The following GYS2 variants were observed in gnomAD, a reference collection of about 807,000 sequenced individuals.
The protein encoded by GYS2 is glycogen synthase 2.
In GYS2, 80 loss-of-function variants were observed where a neutral mutation model predicts 85.6. The ratio of observed to expected loss-of-function variants is 0.93; its 90% CI spans 0.78 to 1.13. The LOEUF (loss-of-function observed/expected upper bound fraction) is 1.13. Ranked by LOEUF, GYS2 falls within the 50% of genes most tolerant of loss-of-function variation. GYS2 has a pLI of 0.00. For missense variants in GYS2, 881 were observed against 854.9 expected (o/e 1.03, Z -0.38); for synonymous variants, 328 against 300.7 (o/e 1.09, Z -0.94).
rs1203459987 is a variant in GYS2, at chr12:21,601,382, A to G, written c.121+3090T>C. On this transcript the variant is annotated intron_variant, in intron 1 of 15. Transcript: ENST00000261195. Reference sequence around the variant, plus strand: ...TCATACCCTGGAGACAAAACTCCTTAAGGCTATTAACTCCCCCTGAGCTTC... The same window carrying G: ...TCATACCCTGGAGACAAAACTCCTTGAGGCTATTAACTCCCCCTGAGCTTC... Among the ~76,000 whole-genome samples the G allele has an allele frequency of 3.9e-5, 6 of 152,190 alleles. No homozygotes were observed. In the South Asian group the frequency reaches 1.2e-3, roughly 32 times the overall value.
At chr12:21,564,840 TAACGAAACTGGCCTGCAGAATATTAA>T (rs1944298908) in intron 5 of GYS2, among the ~76,000 whole-genome samples, 1 of 152,186 alleles carries the variant, frequency 6.6e-6, no homozygotes, top group Admixed American at 6.5e-5. Context: ...ATTTTACAAA[TAACGAAACTGGCCTGCAGAATATTAA>T]GTCATTTGCC....
At chr12:21,595,374 C>T (rs1264879723) in intron 1 of GYS2, among the ~76,000 whole-genome samples, 3 of 152,162 alleles carry the variant, frequency 2.0e-5, no homozygotes, top group Non-Finnish European at 2.9e-5. Flanking sequence ...GGGAGATCCT[C>T]CTCTCCTAAA....
At chr12:21,554,202 G>C (rs555032321) in intron 11 of GYS2, among the ~76,000 whole-genome samples, 1 of 151,742 alleles carries the variant, frequency 6.6e-6, no homozygotes, top group African/African-American at 2.4e-5. Context: ...GAGGAAGGAA[G>C]GAAGTGAGCA....
intron 14 of GYS2, 82 bp from the exon 15 acceptor site, chr12:21,539,420 T>C: frequency 1.3e-6 from 1 of 797,824 alleles, no homozygotes. Context: ...GGCCTTATTC[T>C]CCTAGTTCTG....
At chr12:21,565,961 G>A (rs921820704) in intron 5 of GYS2, among the ~76,000 whole-genome samples, 1 of 152,114 alleles carries the variant, frequency 6.6e-6, no homozygotes, top group African/African-American at 2.4e-5. Flanking sequence ...ATATTAAAGG[G>A]AAAATGACAA....
intron 1 of GYS2, among the ~76,000 whole-genome samples, chr12:21,590,752 A>C (rs1591809788): frequency 6.6e-6 from 1 of 152,144 alleles, no homozygotes; most frequent in Non-Finnish European, 1.5e-5. Context: ...TGCTAGGCCC[A>C]CCACCACCAC....
intron 5 of GYS2, among the ~76,000 whole-genome samples, chr12:21,568,154 A>T (rs1453101031): frequency 1.3e-5 from 2 of 152,098 alleles, no homozygotes; most frequent in African/African-American, 4.8e-5. Context: ...TTCTTATAAC[A>T]ATTCAGTGTA....
At chr12:21,542,458 A>T (rs1408769039) in intron 13 of GYS2, 38 bp downstream of exon 13, 11 of 1,269,234 alleles carry the variant, frequency 8.7e-6, no homozygotes, top group Middle Eastern at 3.7e-4. Context: ...GTTAGAGGTC[A>T]TGTCTCCCCA....
intron 1 of GYS2, 132 bp downstream of exon 1, chr12:21,604,340 A>G (rs1944783529): frequency 1.3e-6 from 1 of 744,318 alleles, no homozygotes; most frequent in Non-Finnish European, 2.5e-6. Flanking sequence ...GCCTAAATAT[A>G]TATTCCGTTT....
intron 4 of GYS2, among the ~76,000 whole-genome samples, chr12:21,570,469 T>C (rs1944372675): frequency 6.6e-6 from 1 of 152,250 alleles, no homozygotes; most frequent in Non-Finnish European, 1.5e-5. Flanking sequence ...GCAGTAAGCG[T>C]AGTCAGTATC....
chr12:21,570,938 C>G (rs758838142), intron 4 of GYS2, among the ~76,000 whole-genome samples: 1 of 152,196 alleles, frequency 6.6e-6, no homozygotes, highest in Non-Finnish European at 1.5e-5. Context: ...AATGAGACAA[C>G]AAATGTCAAA....
chr12:21,604,236 C>T (rs891330522), intron 1 of GYS2, among the ~76,000 whole-genome samples: 21 of 152,054 alleles, frequency 1.4e-4, no homozygotes, highest in African/African-American at 4.6e-4. Flanking sequence ...AATGCACATT[C>T]CATGGCAATG....
chr12:21,542,691 A>G (rs1591777718), intron 12 of GYS2, 100 bp from the exon 13 acceptor site: 3 of 743,206 alleles, frequency 4.0e-6, no homozygotes, highest in East Asian at 2.7e-5. Flanking sequence ...AAGAATAGCA[A>G]TGTTCACTAT....
chr12:21,599,754 C>CT (rs1487657558), intron 1 of GYS2, among the ~76,000 whole-genome samples: 1 of 152,092 alleles, frequency 6.6e-6, no homozygotes, highest in African/African-American at 2.4e-5. Context: ...TATTATTTCT[C>CT]TTTTTGTGTT....
In GYS2 at chr12:21,542,583, T is replaced by G. The variant is rs1943991712; in HGVS notation, c.1558A>C (p.Thr520Pro). 6.2e-7 allele frequency: 1 copy of G among 1,610,734 alleles called. No homozygotes were observed. The highest frequency in any genetic ancestry group is 8.5e-7 in the Non-Finnish European group (1 of 1,177,154). ...GTCACACTGGGGATACCCATCACAGTGCATTCAGCTGCCAGGGGAAATAGA... is the reference window on the plus strand; with the variant it reads ...GTCACACTGGGGATACCCATCACAGGGCATTCAGCTGCCAGGGGAAATAGA... Reference protein sequence around the residue: ...EPWGYTPAECTVMGIPSVTTN... With the variant: ...EPWGYTPAECPVMGIPSVTTN... The change falls in exon 13 of 16, where the codon ACT becomes CCT. Residue 520 changes from threonine (T) to proline (P), a missense_variant. By Grantham distance (38) the Thr-to-Pro change is conservative (BLOSUM62 -1). Transcript: ENST00000261195.
intron 5 of GYS2, among the ~76,000 whole-genome samples, chr12:21,567,060 C>T (rs181520905): frequency 1.3e-5 from 2 of 152,000 alleles, no homozygotes; most frequent in Admixed American, 6.6e-5. Flanking sequence ...AGATGTTCAC[C>T]GCCTTTAAAT....
In GYS2 at chr12:21,590,113, C is replaced by T. The variant is rs185987649; in HGVS notation, c.122-9590G>A. ...CCACCATCTGGGGCTGAAACACATG[C>T]CCACCAGCAACCCATTTATAGCTGC... On this transcript the variant is annotated intron_variant, in intron 1 of 15. Transcript: ENST00000261195. Among the ~76,000 whole-genome samples, 415 of 152,286 alleles carry T rather than the reference C, an allele frequency of 2.7e-3. 1 individual carries two copies. The highest frequency in any genetic ancestry group is 4.4e-3 in the Non-Finnish European group (299 of 68,022).
chr12:21,583,475 G>C (rs1320515125), intron 1 of GYS2, among the ~76,000 whole-genome samples: 1 of 152,202 alleles, frequency 6.6e-6, no homozygotes, highest in Non-Finnish European at 1.5e-5. Flanking sequence ...GTCCAGAACA[G>C]AAGGCTCTGC....
chr12:21,588,870 C>T (rs1363835431), intron 1 of GYS2, among the ~76,000 whole-genome samples: 1 of 152,192 alleles, frequency 6.6e-6, no homozygotes, highest in African/African-American at 2.4e-5. Flanking sequence ...AGCCAATTTG[C>T]AAGGGCAACT....
Sources: gnomAD v4.1 joint callset for allele counts (sites outside exome capture counted in the v4.1 genomes callset) on GRCh38, gnomAD v4.1.1 for gene constraint, MANE v1.5 for transcripts, NCBI Gene and HGNC (gene_info 2026-07-23, HGNC 2026-07-21) for gene names.